EPHA7: variants seen among roughly 807,000 people sequenced by gnomAD.
The protein encoded by EPHA7 is EPH receptor A7.
EPHA7 carries 25 observed loss-of-function variants against 112.6 expected under a neutral mutation model. The ratio of observed to expected loss-of-function variants is 0.22; its 90% CI spans 0.16 to 0.31. The LOEUF (loss-of-function observed/expected upper bound fraction) is 0.31, where lower values mean the gene tolerates loss of function less well. Ranked by LOEUF, EPHA7 falls within the 10% of genes least tolerant of loss-of-function variation. EPHA7 has a pLI of 1.00. For synonymous variants in EPHA7, 437 were observed against 406.5 expected (o/e 1.07, Z -0.90); for missense variants, 962 against 1,212.6 (o/e 0.79, Z 3.07).
At chr6:93,293,427 A>G (rs1772487627) in intron 5 of EPHA7, among the ~76,000 whole-genome samples, 1 of 152,168 alleles carries the variant, frequency 6.6e-6, no homozygotes, top group African/African-American at 2.4e-5. Flanking sequence ...GTCATATAAG[A>G]CATTTAGAAA....
chr6:93,293,864 T>C (rs947100951), intron 5 of EPHA7, among the ~76,000 whole-genome samples: 1 of 152,198 alleles, frequency 6.6e-6, no homozygotes, highest in African/African-American at 2.4e-5. Context: ...TATTTTTCAA[T>C]AGTAAAATGT....
chr6:93,262,086 G>T (rs1770711088), intron 9 of EPHA7, among the ~76,000 whole-genome samples: 1 of 151,414 alleles, frequency 6.6e-6, no homozygotes. Flanking sequence ...ATATGGGCAG[G>T]ACCAGGGATT....
intron 3 of EPHA7, among the ~76,000 whole-genome samples, chr6:93,375,631 T>TAA (rs34778411): frequency 7.6e-6 from 1 of 131,748 alleles, no homozygotes; most frequent in Admixed American, 7.6e-5. Flanking sequence ...AAGCCTGAAT[T>TAA]AAAAAAAAAA....
chr6:93,269,376 T>C, intron 7 of EPHA7, 101 bp downstream of exon 7: 1 of 893,612 alleles, frequency 1.1e-6, no homozygotes, highest in Non-Finnish European at 1.6e-6. Context: ...TTTGTAAATG[T>C]AAAAATTATG....
At chr6:93,345,639 G>A (rs1249506994) in intron 5 of EPHA7, among the ~76,000 whole-genome samples, 1 of 151,660 alleles carries the variant, frequency 6.6e-6, no homozygotes, top group African/African-American at 2.4e-5. Context: ...CTAGTACAAA[G>A]GGAACCAAAG....
intron 14 of EPHA7, among the ~76,000 whole-genome samples, chr6:93,248,728 AAC>A (rs1770072441): frequency 2.0e-5 from 3 of 151,982 alleles, no homozygotes; most frequent in African/African-American, 7.2e-5. Context: ...CTTGCTCTGT[AAC>A]TAGGCTCTGT....
chr6:93,383,642 G>C (rs553160845), intron 3 of EPHA7, among the ~76,000 whole-genome samples: 145 of 152,286 alleles, frequency 9.5e-4, no homozygotes, highest in African/African-American at 3.4e-3. Flanking sequence ...CTTCTAAGGA[G>C]ATATTAGTTT....
At chr6:93,258,486 C>T (rs1200871675) in intron 10 of EPHA7, among the ~76,000 whole-genome samples, 1 of 151,622 alleles carries the variant, frequency 6.6e-6, no homozygotes, top group Non-Finnish European at 1.5e-5. Context: ...TTCCTAGACA[C>T]AAAAGTTGTT....
intron 5 of EPHA7, among the ~76,000 whole-genome samples, chr6:93,342,848 T>C (rs1775210602): frequency 6.6e-6 from 1 of 151,782 alleles, no homozygotes; most frequent in African/African-American, 2.4e-5. Flanking sequence ...CTTTACATGT[T>C]ATTCATTTGC....
chr6:93,366,310 T>C (rs978647175), intron 3 of EPHA7, among the ~76,000 whole-genome samples: 10 of 152,300 alleles, frequency 6.6e-5, no homozygotes, highest in East Asian at 1.9e-4. Context: ...TAGCATACAA[T>C]TGGGGCAAAG....
chr6:93,408,279 A>G (rs1217463139), intron 3 of EPHA7, among the ~76,000 whole-genome samples: 1 of 152,086 alleles, frequency 6.6e-6, no homozygotes, highest in Non-Finnish European at 1.5e-5. Flanking sequence ...CTAAAGTGCA[A>G]TAATGTTCCT....
rs191100997 is a variant in EPHA7 at position 93,319,075 on chromosome 6, C to T, written c.1324+37642G>A. On this transcript the variant is annotated intron_variant, in intron 5 of 16. Transcript: ENST00000369303. ...CACATGTTCACATCACTCTTATAAGCGTTTAGGAAGTAATATCAAGGAAAA... is the reference window on the plus strand; with the variant it reads ...CACATGTTCACATCACTCTTATAAGTGTTTAGGAAGTAATATCAAGGAAAA... Among the ~76,000 whole-genome samples, 4 of 152,036 alleles carry T rather than the reference C, an allele frequency of 2.6e-5. No homozygotes were observed. The East Asian group carries it at 5.8e-4, about 22-fold the overall frequency.
chr6:93,402,086 C>T (rs934112954), intron 3 of EPHA7, among the ~76,000 whole-genome samples: 2 of 151,946 alleles, frequency 1.3e-5, no homozygotes, highest in African/African-American at 4.8e-5. Context: ...CTTCCCAATG[C>T]TAGGTTAATT....
At chr6:93,312,713 C>T (rs139535794) in intron 5 of EPHA7, among the ~76,000 whole-genome samples, 9 of 152,268 alleles carry the variant, frequency 5.9e-5, no homozygotes, top group African/African-American at 1.9e-4. Context: ...GTCTAGCTTT[C>T]GGCCTATCTC....
chr6:93,320,879 G>A (rs2127883525), intron 5 of EPHA7, among the ~76,000 whole-genome samples: 1 of 151,996 alleles, frequency 6.6e-6, no homozygotes, highest in Non-Finnish European at 1.5e-5. Context: ...TACCAAGTCA[G>A]AAATTTTCAA....
At chr6:93,288,504 T>C (rs1772188841) in intron 5 of EPHA7, among the ~76,000 whole-genome samples, 1 of 152,206 alleles carries the variant, frequency 6.6e-6, no homozygotes, top group Non-Finnish European at 1.5e-5. Context: ...AGTACATTTA[T>C]TAAAATCACT....
At chr6:93,263,194 T>G (rs1770770151) in intron 9 of EPHA7, among the ~76,000 whole-genome samples, 1 of 151,362 alleles carries the variant, frequency 6.6e-6, no homozygotes, top group Admixed American at 6.6e-5. Flanking sequence ...GTAATAACAG[T>G]TACTCTCAGT....
At chr6:93,381,430 A>G (rs1399103838) in intron 3 of EPHA7, among the ~76,000 whole-genome samples, 1 of 152,194 alleles carries the variant, frequency 6.6e-6, no homozygotes, top group Admixed American at 6.5e-5. Flanking sequence ...AACAAACTAA[A>G]GGTTTATATT....
intron 3 of EPHA7, among the ~76,000 whole-genome samples, chr6:93,358,933 T>C (rs938827920): frequency 2.0e-5 from 3 of 152,110 alleles, no homozygotes; most frequent in Non-Finnish European, 4.4e-5. Context: ...ATGATAGAAA[T>C]ATATTTTCCC....
Sources: allele counts gnomAD v4.1 joint callset (sites outside exome capture counted in the v4.1 genomes callset), GRCh38; gene constraint gnomAD v4.1.1; transcripts MANE v1.5; gene names NCBI Gene and HGNC (gene_info 2026-07-23, HGNC 2026-07-21).